Variants in TBC1D2B observed in about 807,000 individuals in gnomAD.
TBC1D2B encodes the protein TBC1 domain family, member 2B.
In TBC1D2B, 64 loss-of-function variants were observed where a neutral mutation model predicts 100.8. The ratio of observed to expected loss-of-function variants is 0.64; its 90% CI spans 0.52 to 0.78. TBC1D2B has a LOEUF of 0.78. Ranked by LOEUF, TBC1D2B falls within the 30% of genes least tolerant of loss-of-function variation. The probability of loss-of-function intolerance (pLI) is 0.00; values close to 1 mark genes in which losing one functional copy is unlikely to be tolerated. For synonymous variants in TBC1D2B, 480 were observed against 479.7 expected (o/e 1.00, Z -0.01); for missense variants, 1,052 against 1,218.4 (o/e 0.86, Z 2.03).
rs1445094194 is a variant in TBC1D2B, at chr15:77,996,883, C to T, written c.*1277G>A. The T allele has an allele frequency of 1.3e-5, 2 of 152,210 alleles. No homozygotes were observed. The highest frequency in any genetic ancestry group is 2.9e-5 in the Non-Finnish European group (2 of 68,034). The allele number at this position is 152,210 out of a possible 1,614,324, so 9.4% of individuals were successfully genotyped here. ...AAAACATCCTCTCACATCTACGCAT[C>T]AGGGATGGTCTAGAGCGATTAAGCA... On this transcript the variant is annotated 3_prime_UTR_variant, in exon 13 of 13. Coordinates refer to ENST00000300584, the MANE Select transcript of TBC1D2B (RefSeq NM_144572.2).
chr15:78,071,580 G>A (rs895372838), intron 1 of TBC1D2B, among the ~76,000 whole-genome samples: 1 of 152,166 alleles, frequency 6.6e-6, no homozygotes, highest in African/African-American at 2.4e-5. Flanking sequence ...GGAAGGGTGA[G>A]TCATAACCCC....
intron 2 of TBC1D2B, among the ~76,000 whole-genome samples, chr15:78,047,233 C>T (rs1226393877): frequency 1.3e-5 from 2 of 150,230 alleles, no homozygotes; most frequent in African/African-American, 4.9e-5. Context: ...GGTGTGATCA[C>T]GGCTCACTGC....
rs550566710 is a variant in TBC1D2B at position 78,015,532 on chromosome 15, G to C, written c.1775+1014C>G. ...TTTAGAAGCGCTCCAAGAGCTCACA[G>C]AAGTTAACAGCCACCACGATGAGCA... On this transcript the variant is annotated intron_variant, in intron 8 of 12. Transcript: ENST00000300584. Among the ~76,000 whole-genome samples, 270 of 152,342 alleles carry C rather than the reference G, an allele frequency of 1.8e-3. 3 individuals are homozygous for C. Among genetic ancestry groups the C allele is most frequent in the African/African-American group, 5.9e-3 (246 of 41,572 alleles).
At chr15:78,056,239 G>A (rs142300189) in intron 1 of TBC1D2B, among the ~76,000 whole-genome samples, 1 of 152,292 alleles carries the variant, frequency 6.6e-6, no homozygotes, top group Non-Finnish European at 1.5e-5. Context: ...GAGATTCCAG[G>A]GAGAGAGAGA....
At chr15:78,040,602 AAGTGAGAG>A (rs2073051710) in intron 3 of TBC1D2B, among the ~76,000 whole-genome samples, 1 of 27,922 alleles carries the variant, frequency 3.6e-5, no homozygotes, top group Admixed American at 4.1e-4. Context: ...GAAAGAGAGA[AAGTGAGAG>A]AGAAAGAAAG....
intron 4 of TBC1D2B, among the ~76,000 whole-genome samples, chr15:78,026,986 A>C (rs2072687616): frequency 6.6e-6 from 1 of 152,160 alleles, no homozygotes; most frequent in Non-Finnish European, 1.5e-5. Flanking sequence ...TTGGAGGCTA[A>C]GGCAGGAGGA....
chr15:78,068,833 G>T (rs377588578), intron 1 of TBC1D2B, among the ~76,000 whole-genome samples: 6 of 152,218 alleles, frequency 3.9e-5, no homozygotes, highest in African/African-American at 1.4e-4. Context: ...TTTCCACATT[G>T]CATTCACTCT....
intron 1 of TBC1D2B, among the ~76,000 whole-genome samples, chr15:78,065,403 C>A (rs557901275): frequency 6.6e-6 from 1 of 152,284 alleles, no homozygotes; most frequent in South Asian, 2.1e-4. Flanking sequence ...CCCAGGCCAC[C>A]CAGCTGGGCT....
intron 3 of TBC1D2B, among the ~76,000 whole-genome samples, chr15:78,043,075 T>C (rs1291593285): frequency 6.6e-6 from 1 of 152,150 alleles, no homozygotes; most frequent in Admixed American, 6.5e-5. Context: ...ATATAACCTA[T>C]ATATATCCTA....
chr15:78,067,709 C>T (rs546945074), intron 1 of TBC1D2B, among the ~76,000 whole-genome samples: 21 of 152,228 alleles, frequency 1.4e-4, no homozygotes, highest in Non-Finnish European at 2.6e-4. Context: ...CACACAGGAT[C>T]TCAGCTACCA....
chr15:78,034,506 A>C (rs958945947), intron 3 of TBC1D2B: 2 of 985,314 alleles, frequency 2.0e-6, no homozygotes, highest in Non-Finnish European at 2.4e-6. Context: ...TGTGCTCCTC[A>C]GCTCTGGTTC....
chr15:78,013,224 G>C lies in TBC1D2B; in HGVS notation c.1869C>G (p.Leu623=), dbSNP rs530794756. ...AGACTTCCTGGTTTTCTGTGAGGTA[G>C]AGAGTCTTCAGATCCAACGCGCGGA... is the stretch of plus-strand genomic sequence containing the variant. ...AKVRALDLKT[L]YLTENQEVST... The change falls in exon 9 of 13, where the codon CTC becomes CTG. Residue 623 remains leucine (L), a synonymous_variant. Coordinates refer to ENST00000300584, the MANE Select transcript of TBC1D2B (RefSeq NM_144572.2). 3.7e-6 allele frequency: 6 copies of C among 1,614,016 alleles called. No homozygotes were observed. Among genetic ancestry groups the C allele is most frequent in the Non-Finnish European group, 3.4e-6 (4 of 1,179,898 alleles).
intron 1 of TBC1D2B, among the ~76,000 whole-genome samples, chr15:78,074,093 G>A (rs1228796100): frequency 6.7e-6 from 1 of 149,000 alleles, no homozygotes; most frequent in African/African-American, 2.5e-5. Context: ...GTGTGATCTC[G>A]GCTCACTGCA....
At chr15:78,019,671 T>C (rs1010008020) in intron 6 of TBC1D2B, among the ~76,000 whole-genome samples, 34 of 152,068 alleles carry the variant, frequency 2.2e-4, no homozygotes, top group Admixed American at 1.9e-3. Flanking sequence ...GAGGATCACT[T>C]GAGGCCAGGA....
At chr15:78,015,926 C>T in intron 8 of TBC1D2B, among the ~76,000 whole-genome samples, 1 of 152,106 alleles carries the variant, frequency 6.6e-6, no homozygotes, top group Admixed American at 6.6e-5. Flanking sequence ...AAGGCTTCAC[C>T]TGGGCCTACA....
chr15:78,035,750 T>C (rs1215506350), intron 3 of TBC1D2B, among the ~76,000 whole-genome samples: 1 of 151,186 alleles, frequency 6.6e-6, no homozygotes, highest in Non-Finnish European at 1.5e-5. Context: ...CAATGCTATT[T>C]GAAATGACAG....
intron 3 of TBC1D2B, among the ~76,000 whole-genome samples, chr15:78,040,908 AAG>A (rs2073080530): frequency 7.0e-6 from 1 of 142,252 alleles, no homozygotes; most frequent in South Asian, 2.2e-4. Flanking sequence ...GAAAGAAAGA[AAG>A]AAAAGGGAGG....
At chr15:78,028,279 A>G (rs1399285328) in intron 4 of TBC1D2B, among the ~76,000 whole-genome samples, 1 of 152,204 alleles carries the variant, frequency 6.6e-6, no homozygotes, top group African/African-American at 2.4e-5. Flanking sequence ...GTTCAAGACC[A>G]GCCTGGCCAA....
At chr15:78,006,592 C>T (rs76021772) in intron 10 of TBC1D2B, among the ~76,000 whole-genome samples, 1,620 of 152,324 alleles carry the variant, frequency 0.011, 31 homozygotes, top group African/African-American at 0.036. Flanking sequence ...TGGGCACAGA[C>T]AGGCAAGTTT....
Sources: gnomAD v4.1 joint callset for allele counts (sites outside exome capture counted in the v4.1 genomes callset) on GRCh38, gnomAD v4.1.1 for gene constraint, MANE v1.5 for transcripts, NCBI Gene and HGNC (gene_info 2026-07-23, HGNC 2026-07-21) for gene names.